TBC1D24: variants seen among roughly 807,000 people sequenced by gnomAD.
The protein encoded by TBC1D24 is Infantile myoclonic epilepsy.
Under a neutral mutation model 50.7 loss-of-function variants are expected in TBC1D24, and 47 were observed. The ratio of observed to expected loss-of-function variants is 0.93; its 90% confidence interval spans 0.73 to 1.18. The LOEUF (loss-of-function observed/expected upper bound fraction) is 1.18. Ranked by LOEUF, TBC1D24 falls within the 50% of genes most tolerant of loss-of-function variation. TBC1D24 has a pLI of 0.00. For missense variants in TBC1D24, 688 were observed against 766.5 expected, an observed-to-expected ratio of 0.90 and a Z score of 1.21; for synonymous variants, 324 against 335.2, an observed-to-expected ratio of 0.97 and a Z score of 0.36.
In TBC1D24 at chr16:2,499,230, G is replaced by A. The variant is rs1011840907; in HGVS notation, c.1143-127G>A. 1.5e-5 allele frequency: 13 copies of A among 842,144 alleles called. No homozygotes were observed. The highest frequency in any genetic ancestry group is 1.2e-4 in the South Asian group (8 of 69,556). 52.2% of individuals were successfully genotyped at this position (842,144 alleles called of 1,614,324 possible). A position where few individuals can be genotyped will look rare whatever the true frequency, so the allele number is the denominator to read the frequency against. ...AGAACACCTGGGTGAGGGTGTTGTC[G>A]GGACCCAGAGAGAAGGAAGCACAGT... On this transcript the variant is annotated intron_variant, in intron 4 of 7. Coordinates refer to ENST00000646147, the MANE Select transcript of TBC1D24 (RefSeq NM_001199107.2). This position sits in a 1 kb window ranked among gnomAD's most constrained non-coding sequence, Gnocchi z 4.0.
At position 2,499,439 on chromosome 16, in the gene TBC1D24, G is replaced by GCCAGGGCTGGCTCTGATGGGCT. The variant is rs777798547; in HGVS notation, c.1206+64_1206+85dup. 1.5e-5 allele frequency: 24 copies of GCCAGGGCTGGCTCTGATGGGCT among 1,608,954 alleles called. No individual in the cohort carries two copies. The highest frequency in any genetic ancestry group is 4.0e-5 in the African/African-American group (3 of 74,834). On this transcript the variant is annotated intron_variant, in intron 5 of 7. Coordinates refer to ENST00000646147, the MANE Select transcript of TBC1D24 (RefSeq NM_001199107.2). The surrounding 1 kb of genome is among the most constrained non-coding windows in gnomAD (Gnocchi z 4.0). The stretch of plus-strand genomic sequence containing the variant: ...GAAGGAGGTGAGCAGGGGCCCTGGA[G>GCCAGGGCTGGCTCTGATGGGCT]CCAGGGCTGGCTCTGATGGGCTCCA...
rs1444247960 is a variant in TBC1D24, at chr16:2,499,239, A to C, written c.1143-118A>C. ...GGGTGAGGGTGTTGTCGGGACCCAGAGAGAAGGAAGCACAGTTCCCAGGTC... is the reference window on the plus strand; with the variant it reads ...GGGTGAGGGTGTTGTCGGGACCCAGCGAGAAGGAAGCACAGTTCCCAGGTC... On this transcript the variant is annotated intron_variant, in intron 4 of 7. Transcript: ENST00000646147. The surrounding 1 kb of genome is among the most constrained non-coding windows in gnomAD (Gnocchi z 4.0). 1.1e-6 allele frequency: 1 copy of C among 908,274 alleles called. No homozygotes were observed. The highest frequency in any genetic ancestry group is 2.6e-5 in the East Asian group (1 of 38,006). The allele number at this position is 908,274 out of a possible 1,614,324, so 56.3% of individuals were successfully genotyped here.
intron 1 of TBC1D24, chr16:2,476,967 T>G (rs909036060): frequency 3.8e-4 from 58 of 152,330 alleles, no homozygotes; most frequent in African/African-American, 1.4e-3. Flanking sequence ...TGAGCCAAGC[T>G]CAGAAAACAT....
rs1250432446 is a variant in TBC1D24 at position 2,505,605 on chromosome 16, G to A, written c.*4647G>A. 1 of 152,238 alleles carries A rather than the reference G, an allele frequency of 6.6e-6. No homozygotes were observed. The highest frequency in any genetic ancestry group is 1.5e-5 in the Non-Finnish European group (1 of 68,040). 9.4% of individuals were successfully genotyped at this position (152,238 alleles called of 1,614,324 possible). On this transcript the variant is annotated 3_prime_UTR_variant, in exon 8 of 8. Transcript: ENST00000646147. ...TCTCAATGAATGTAATAAAAAAAATGTGTAGTGAGCACAAATGTATGGATT... is the reference window on the plus strand; with the variant it reads ...TCTCAATGAATGTAATAAAAAAAATATGTAGTGAGCACAAATGTATGGATT...
Position 2,496,072 on chromosome 16 carries a change from A to G in TBC1D24, c.-77A>G, listed in dbSNP as rs1415193895. ...AGACAGGTTTGCAGGAAACCCTCAG[A>G]AAGGGGGCTGGAGGATTTAGCCACT... On this transcript the variant is annotated 5_prime_UTR_variant, in exon 2 of 8. Transcript: ENST00000646147. 1.3e-6 allele frequency: 2 copies of G among 1,586,926 alleles called. No homozygotes were observed. The highest frequency in any genetic ancestry group is 2.7e-5 in the African/African-American group (2 of 74,088).
chr16:2,485,247 G>T lies in TBC1D24; in HGVS notation c.-116+10077G>T, dbSNP rs879581943. ...GGAAAGACCAAGGCAGGATTAGCGG[G>T]TTAGAACTTTCAGCCCCACCCCCAA... On this transcript the variant is annotated intron_variant, in intron 1 of 7. Transcript: ENST00000646147. The surrounding 1 kb of genome is among the most constrained non-coding windows in gnomAD (Gnocchi z 4.6). 6.6e-6 allele frequency: 1 copy of T among 152,322 alleles called. No homozygotes were observed. The allele number at this position is 152,322 out of a possible 1,614,324, so 9.4% of individuals were successfully genotyped here. A position where few individuals can be genotyped will look rare whatever the true frequency, so the allele number is the denominator to read the frequency against.
rs1567413891 is a variant in TBC1D24 at position 2,499,803 on chromosome 16, CG to C, written c.1207-29del. On this transcript the variant is annotated intron_variant, in intron 5 of 7. Transcript: ENST00000646147. This position sits in a 1 kb window ranked among gnomAD's most constrained non-coding sequence, Gnocchi z 4.0. ...GCACAGGGACGCTCCTGGGGGCCTG[CG>C]GGCACAGCCTCACCCAGACCTTTCC... The C allele has an allele frequency of 6.3e-7, 1 of 1,587,880 alleles. No homozygotes were observed. The highest frequency in any genetic ancestry group is 1.3e-5 in the African/African-American group (1 of 74,554).
In TBC1D24 at chr16:2,496,395, G is replaced by C; in HGVS notation, c.247G>C (p.Gly83Arg). 3 of 1,613,242 alleles carry C rather than the reference G, an allele frequency of 1.9e-6. No homozygotes were observed. Among genetic ancestry groups the C allele is most frequent in the Non-Finnish European group, 2.5e-6 (3 of 1,179,984 alleles). Residue 83 changes from glycine (G) to arginine (R), a missense_variant, in exon 2 of 8, where the codon GGC (glycine) becomes CGC (arginine). Coordinates refer to ENST00000646147, the MANE Select transcript of TBC1D24 (RefSeq NM_001199107.2). ...CAGCGACATCGTGGGCAAGATCGTGGGCAAGCACAGCAGCAGCTGCCTGCC... is the reference window on the plus strand; with the variant it reads ...CAGCGACATCGTGGGCAAGATCGTGCGCAAGCACAGCAGCAGCTGCCTGCC... The part of the protein sequence containing the change: ...VYSDIVGKIV[G>R]KHSSSCLPLP...
At chr16:2,489,387 G>T (rs1334167039) in intron 1 of TBC1D24, among the ~76,000 whole-genome samples, 1 of 152,128 alleles carries the variant, frequency 6.6e-6, no homozygotes, top group Non-Finnish European at 1.5e-5. Flanking sequence ...AGCCGAGATC[G>T]CGCCACTGCA....
chr16:2,497,520 A>C (rs779016983), intron 2 of TBC1D24, among the ~76,000 whole-genome samples, 190 bp from the exon 3 acceptor site: 19 of 152,120 alleles, frequency 1.2e-4, no homozygotes, highest in Non-Finnish European at 2.5e-4. Flanking sequence ...CAGGGTCAGG[A>C]GTTCATGGTG....
intron 1 of TBC1D24, among the ~76,000 whole-genome samples, chr16:2,491,883 A>G (rs192206302): frequency 1.3e-3 from 198 of 149,008 alleles, no homozygotes; most frequent in Non-Finnish European, 2.5e-3. Context: ...TTTTTTGTAG[A>G]GATGGGGTTT....
At chr16:2,488,295 T>C (rs904802881) in intron 1 of TBC1D24, among the ~76,000 whole-genome samples, 1 of 152,020 alleles carries the variant, frequency 6.6e-6, no homozygotes, top group African/African-American at 2.4e-5. Context: ...CTGCCCTCCC[T>C]GGGAAGGCTG....
In TBC1D24 at chr16:2,499,770, A is replaced by G. The variant is rs2141876221; in HGVS notation, c.1207-65A>G. ...TGTGACCTGGGACAGGCCCGTCAGTAGTCTGGAGCACAGGGACGCTCCTGG... is the reference window on the plus strand; with the variant it reads ...TGTGACCTGGGACAGGCCCGTCAGTGGTCTGGAGCACAGGGACGCTCCTGG... On this transcript the variant is annotated intron_variant, in intron 5 of 7. Coordinates refer to ENST00000646147, the MANE Select transcript of TBC1D24 (RefSeq NM_001199107.2). This position sits in a 1 kb window ranked among gnomAD's most constrained non-coding sequence, Gnocchi z 4.0. 7.2e-7 allele frequency: 1 copy of G among 1,386,504 alleles called. No homozygotes were observed. Among genetic ancestry groups the G allele is most frequent in the Non-Finnish European group, 1.0e-6 (1 of 972,668 alleles). 85.9% of individuals were successfully genotyped at this position (1,386,504 alleles called of 1,614,324 possible).
intron 3 of TBC1D24, among the ~76,000 whole-genome samples, chr16:2,497,973 G>C (rs1295658530): frequency 6.6e-6 from 1 of 152,198 alleles, no homozygotes; most frequent in Non-Finnish European, 1.5e-5. Context: ...CAGAGCAGTT[G>C]CTCTCTGTCC....
At chr16:2,490,401 A>C (rs1452344020) in intron 1 of TBC1D24, among the ~76,000 whole-genome samples, 2 of 152,154 alleles carry the variant, frequency 1.3e-5, no homozygotes, top group Admixed American at 6.5e-5. Flanking sequence ...GTGGGGAAGC[A>C]CACTTTAGGT....
intron 1 of TBC1D24, chr16:2,481,590 TC>T (rs1898587782): frequency 6.6e-6 from 1 of 152,334 alleles, no homozygotes; most frequent in Admixed American, 6.5e-5. Context: ...TCCTCCTGTG[TC>T]CTGGGGGTGT....
rs1131691737 is a variant in TBC1D24, at chr16:2,496,704, CT to C, written c.557del (p.Leu186ArgfsTer2). 4 of 1,613,500 alleles carry C rather than the reference CT, an allele frequency of 2.5e-6. No homozygotes were observed. The highest frequency in any genetic ancestry group is 3.4e-6 in the Non-Finnish European group (4 of 1,180,020). ...FESSCMTFGDLVNKYCQAAHK... is the reference protein window; with the variant it reads ...FESSCMTFGDXVNKYCQAAHK... ...GTCGTCCTGCATGACGTTTGGGGAC[CT>C]GGTGAACAAGTACTGCCAGGCGGCC... On this transcript the variant is annotated frameshift_variant, in exon 2 of 8. Transcript: ENST00000646147. LOFTEE classifies it high-confidence loss of function.
intron 1 of TBC1D24, among the ~76,000 whole-genome samples, chr16:2,495,757 C>T (rs770628065): frequency 7.3e-5 from 11 of 151,472 alleles, no homozygotes; most frequent in Non-Finnish European, 8.8e-5. Flanking sequence ...CCAGCCTGGG[C>T]GACAGGGTGA....
intron 1 of TBC1D24, among the ~76,000 whole-genome samples, chr16:2,492,442 G>C (rs980635780): frequency 6.6e-6 from 1 of 152,184 alleles, no homozygotes; most frequent in African/African-American, 2.4e-5. Context: ...GCCGAGTGGA[G>C]GCTGGTGCTG....
Sources: allele counts gnomAD v4.1 joint callset (sites outside exome capture counted in the v4.1 genomes callset), GRCh38; gene constraint gnomAD v4.1.1; non-coding constraint Gnocchi (gnomAD v3.1); transcripts MANE v1.5; gene names NCBI Gene and HGNC (gene_info 2026-07-23, HGNC 2026-07-21).